The following CACNA2D3 variants were observed in gnomAD, a reference collection of about 807,000 sequenced individuals.
CACNA2D3 encodes the protein calcium voltage-gated channel auxiliary subunit alpha2delta 3, also known as voltage-dependent calcium channel subunit alpha-2/delta-3.
A neutral mutation model predicts 160.6 loss-of-function variants in CACNA2D3; 60 were observed. The ratio of observed to expected loss-of-function variants is 0.37; its 90% CI spans 0.30 to 0.46. The LOEUF (loss-of-function observed/expected upper bound fraction) is 0.46. Ranked by LOEUF, CACNA2D3 falls within the 20% of genes least tolerant of loss-of-function variation. CACNA2D3 has a pLI of 1.00. For synonymous variants in CACNA2D3, 558 were observed against 492.9 expected (o/e 1.13, Z -1.75); for missense variants, 1,205 against 1,365.0 (o/e 0.88, Z 1.85).
At chr3:54,557,889 T>C (rs945419493) in intron 5 of CACNA2D3, among the ~76,000 whole-genome samples, 13 of 152,188 alleles carry the variant, frequency 8.5e-5, no homozygotes, top group African/African-American at 2.4e-4. Context: ...GCATTTACCC[T>C]TGAGATGGGA....
intron 11 of CACNA2D3, among the ~76,000 whole-genome samples, chr3:54,730,307 T>A (rs750793995): frequency 3.0e-4 from 46 of 152,094 alleles, no homozygotes; most frequent in Non-Finnish European, 5.7e-4. Flanking sequence ...GAAGACACAT[T>A]TGTGAAACTC....
intron 31 of CACNA2D3, among the ~76,000 whole-genome samples, chr3:55,003,646 G>A (rs190249228): frequency 2.0e-5 from 3 of 152,246 alleles, no homozygotes; most frequent in East Asian, 3.9e-4. Context: ...AGGGGGAAAC[G>A]AGTGGGCCTA....
intron 35 of CACNA2D3, among the ~76,000 whole-genome samples, chr3:55,019,745 C>G (rs1355795088): frequency 6.6e-6 from 1 of 152,072 alleles, no homozygotes; most frequent in Admixed American, 6.6e-5. Context: ...TTATTATTTT[C>G]TGTTTTGTTG....
At chr3:54,559,576 A>G (rs1702293269) in intron 5 of CACNA2D3, among the ~76,000 whole-genome samples, 1 of 152,180 alleles carries the variant, frequency 6.6e-6, no homozygotes, top group African/African-American at 2.4e-5. Flanking sequence ...TACAGGTGTG[A>G]GCCATCACGC....
At chr3:54,355,069 A>G (rs1189571592) in intron 3 of CACNA2D3, among the ~76,000 whole-genome samples, 1 of 152,206 alleles carries the variant, frequency 6.6e-6, no homozygotes, top group Non-Finnish European at 1.5e-5. Context: ...TGTATGAAAA[A>G]TGGTAAGTGT....
intron 2 of CACNA2D3, among the ~76,000 whole-genome samples, chr3:54,229,881 C>A (rs549041080): frequency 3.9e-5 from 6 of 152,148 alleles, no homozygotes; most frequent in African/African-American, 1.4e-4. Context: ...AATATTTGGA[C>A]ACCTGCAGGT....
At chr3:54,194,766 C>T (rs565502816) in intron 2 of CACNA2D3, among the ~76,000 whole-genome samples, 15 of 152,276 alleles carry the variant, frequency 9.9e-5, no homozygotes, top group African/African-American at 3.1e-4. Flanking sequence ...AGAGTGAACC[C>T]ACTCCCTCAA....
At chr3:54,952,520 A>G (rs1167888786) in intron 27 of CACNA2D3, among the ~76,000 whole-genome samples, 7 of 152,340 alleles carry the variant, frequency 4.6e-5, no homozygotes, top group Middle Eastern at 6.8e-3. Flanking sequence ...TGGACTTACC[A>G]ATCTCATATT....
chr3:54,485,201 A>T (rs938576277), intron 4 of CACNA2D3, among the ~76,000 whole-genome samples: 27 of 152,224 alleles, frequency 1.8e-4, no homozygotes, highest in African/African-American at 6.0e-4. Flanking sequence ...AACACCAAAA[A>T]TATGGATTTG....
chr3:54,391,263 C>T (rs1402798740), intron 4 of CACNA2D3, among the ~76,000 whole-genome samples: 1 of 152,074 alleles, frequency 6.6e-6, no homozygotes, highest in East Asian at 1.9e-4. Flanking sequence ...ATTTAAATTC[C>T]CCTTGCCATC....
intron 10 of CACNA2D3, among the ~76,000 whole-genome samples, chr3:54,628,916 A>G (rs2106819154): frequency 6.6e-6 from 1 of 152,172 alleles, no homozygotes; most frequent in South Asian, 2.1e-4. Context: ...CTATGGAGGG[A>G]AGGACCTGTC....
At chr3:54,273,557 G>C (rs1330807826) in intron 2 of CACNA2D3, among the ~76,000 whole-genome samples, 6 of 152,110 alleles carry the variant, frequency 3.9e-5, no homozygotes, top group Non-Finnish European at 8.8e-5. Flanking sequence ...TTTCCCCTTT[G>C]GTGTGATTCA....
chr3:54,236,488 C>T (rs1196869867), intron 2 of CACNA2D3, among the ~76,000 whole-genome samples: 1 of 152,096 alleles, frequency 6.6e-6, no homozygotes, highest in African/African-American at 2.4e-5. Context: ...AAAATACATA[C>T]TGAAGTAAAC....
chr3:54,831,198 C>T lies in CACNA2D3; in HGVS notation c.1399-5961C>T, dbSNP rs941479647. Among the ~76,000 whole-genome samples the T allele has an allele frequency of 2.6e-5, 4 of 152,288 alleles. No homozygotes were observed. The East Asian group carries it at 7.7e-4, about 29-fold the overall frequency. ...ATTTGTGCACAACCTTCCCTTTAAGCCCAAGCCTCTAGGGCTGAGCAGATC... is the reference window on the plus strand; with the variant it reads ...ATTTGTGCACAACCTTCCCTTTAAGTCCAAGCCTCTAGGGCTGAGCAGATC... On this transcript the variant is annotated intron_variant, in intron 14 of 37. Coordinates refer to ENST00000474759, the MANE Select transcript of CACNA2D3 (RefSeq NM_018398.3).
chr3:54,164,099 A>G (rs1313601296), intron 2 of CACNA2D3, among the ~76,000 whole-genome samples: 1 of 152,160 alleles, frequency 6.6e-6, no homozygotes, highest in African/African-American at 2.4e-5. Flanking sequence ...TGCTGGGGAG[A>G]CAGGGAGAGG....
intron 4 of CACNA2D3, among the ~76,000 whole-genome samples, chr3:54,496,788 C>G (rs182643613): frequency 5.9e-5 from 9 of 152,248 alleles, no homozygotes; most frequent in Non-Finnish European, 1.2e-4. Flanking sequence ...AGTCTGTCAT[C>G]CATCTCAAAT....
intron 1 of CACNA2D3, 84 bp downstream of exon 1, chr3:54,122,919 C>A: frequency 1.7e-6 from 2 of 1,145,958 alleles, no homozygotes; most frequent in Non-Finnish European, 2.2e-6. Flanking sequence ...CCTGCAGGTG[C>A]GGCTGGGCAG....
chr3:54,807,552 A>G (rs1703166117), intron 13 of CACNA2D3, among the ~76,000 whole-genome samples: 3 of 152,018 alleles, frequency 2.0e-5, no homozygotes, highest in Admixed American at 6.6e-5. Flanking sequence ...AAGTCAGGAA[A>G]CAACAGGTGC....
chr3:54,661,352 A>G (rs546289321), intron 11 of CACNA2D3, among the ~76,000 whole-genome samples: 3 of 152,194 alleles, frequency 2.0e-5, no homozygotes, highest in Non-Finnish European at 2.9e-5. Context: ...ATGTGTTTCT[A>G]TGCCTCAATG....
Sources: gnomAD v4.1 joint callset for allele counts (sites outside exome capture counted in the v4.1 genomes callset) on GRCh38, gnomAD v4.1.1 for gene constraint, MANE v1.5 for transcripts, NCBI Gene and HGNC (gene_info 2026-07-23, HGNC 2026-07-21) for gene names.